SZT2: variants seen among roughly 807,000 people sequenced by gnomAD.
SZT2 encodes the protein SZT2 subunit of KICSTOR complex, also known as KICSTOR complex protein SZT2.
In SZT2, 216 loss-of-function variants were observed where a neutral mutation model predicts 404.2. The observed-to-expected ratio is 0.53, with a 90% CI of 0.48 to 0.60. The LOEUF (loss-of-function observed/expected upper bound fraction) is 0.60. Ranked by LOEUF, SZT2 falls within the 20% of genes least tolerant of loss-of-function variation. The pLI, the probability that SZT2 is intolerant of heterozygous loss-of-function variation, is 0.00. For synonymous variants in SZT2, 1,693 were observed against 1,749.9 expected, an observed-to-expected ratio of 0.97 and a Z score of 0.81; for missense variants, 3,857 against 4,459.2, an observed-to-expected ratio of 0.86 and a Z score of 3.85.
rs57832681 is a variant in SZT2 at position 43,429,947 on chromosome 1, G to A, written c.4309-64G>A. 9.6e-3 allele frequency: 15,486 copies of A among 1,612,218 alleles called. 1,269 individuals are homozygous for A. The African/African-American group carries it at 0.18, about 19-fold the overall frequency. On this transcript the variant is annotated intron_variant, in intron 29 of 71. Coordinates refer to ENST00000634258, the MANE Select transcript of SZT2 (RefSeq NM_001365999.1). ...GGGTATGCATGTGTCCTGCTCTAGG[G>A]TAGGGAGTAGTATCCTGTTGAGGGG...
In SZT2 at chr1:43,447,709, GA is replaced by G. The variant is rs550942414; in HGVS notation, c.9440+12del. The G allele has an allele frequency of 2.2e-4, 357 of 1,613,406 alleles. 1 individual carries two copies. The African/African-American group carries it at 4.1e-3, about 18-fold the overall frequency. Reference sequence around the variant, plus strand: ...GTCGGCATGGCACAGGTAAGGCTGAGAGGGGCATCCAGCATGCACGCTGCAG... The same window carrying G: ...GTCGGCATGGCACAGGTAAGGCTGAGGGGGCATCCAGCATGCACGCTGCAG... On this transcript the variant is annotated intron_variant, in intron 67 of 71. Coordinates refer to ENST00000634258, the MANE Select transcript of SZT2 (RefSeq NM_001365999.1).
At chr1:43,434,003 T>C (rs1654201902) in intron 40 of SZT2, among the ~76,000 whole-genome samples, 1 of 152,170 alleles carries the variant, frequency 6.6e-6, no homozygotes, top group South Asian at 2.1e-4. Context: ...AGTTCACTAC[T>C]GCTCTCATCT....
In SZT2 at chr1:43,451,575, C is replaced by T. The variant is rs763781914; in HGVS notation, c.*1095C>T. On this transcript the variant is annotated 3_prime_UTR_variant, in exon 72 of 72. Coordinates refer to ENST00000634258, the MANE Select transcript of SZT2 (RefSeq NM_001365999.1). Reference sequence around the variant, plus strand: ...GACAGATGTGGACAAATGTGGGGTCCAGGCTCCTGCCAGGGCCTGAAGGAC... The same window carrying T: ...GACAGATGTGGACAAATGTGGGGTCTAGGCTCCTGCCAGGGCCTGAAGGAC... 6.2e-7 allele frequency: 1 copy of T among 1,613,476 alleles called. No individual in the cohort carries two copies. The highest frequency in any genetic ancestry group is 8.5e-7 in the Non-Finnish European group (1 of 1,179,582).
Position 43,450,764 on chromosome 1 carries a change from CT to C in SZT2, c.*285del, listed in dbSNP as rs746110347. 5.1e-5 allele frequency: 36 copies of C among 703,616 alleles called. No homozygotes were observed. The highest frequency in any genetic ancestry group is 8.6e-5 in the Non-Finnish European group (33 of 383,140). The allele number at this position is 703,616 out of a possible 1,614,324, so 43.6% of individuals were successfully genotyped here. A position where few individuals can be genotyped will look rare whatever the true frequency, so the allele number is the denominator to read the frequency against. The stretch of plus-strand genomic sequence containing the variant: ...TTCTGGGGTACTCCTTTCGGCCCCC[CT>C]GGTAGAGTCTCGGGAGTTCACACAG... On this transcript the variant is annotated 3_prime_UTR_variant, in exon 72 of 72. Transcript: ENST00000634258. The surrounding 1 kb of genome is among the most constrained non-coding windows in gnomAD (Gnocchi z 4.3).
chr1:43,446,163 T>C lies in SZT2; in HGVS notation c.8917-16T>C. The C allele has an allele frequency of 6.2e-7, 1 of 1,614,026 alleles. No individual in the cohort carries two copies. The highest frequency in any genetic ancestry group is 8.5e-7 in the Non-Finnish European group (1 of 1,179,892). On this transcript the variant is annotated splice_polypyrimidine_tract_variant and intron_variant, in intron 63 of 71. Transcript: ENST00000634258. ...TGGTGAGCCCCCAAACCTTGCCCCC[T>C]TTTTTGTTTCTTCAGAGCACTAGCT...
At chr1:43,421,957 GT>G in intron 11 of SZT2, 125 bp from the exon 12 acceptor site, 1 of 1,067,578 alleles carries the variant, frequency 9.4e-7, no homozygotes, top group Non-Finnish European at 1.3e-6. Context: ...AGGCTGGGCT[GT>G]AGCCTCAAAC....
chr1:43,404,406 T>A lies in SZT2; in HGVS notation c.354T>A (p.Phe118Leu). ...ATGATTCCACAGGGGAGATCTTGTTTGATGAAGTTTTCCATGCCCTGTCCC... is the reference window on the plus strand; with the variant it reads ...ATGATTCCACAGGGGAGATCTTGTTAGATGAAGTTTTCCATGCCCTGTCCC... Reference protein sequence around the residue: ...IVDDSTGEILFDEVFHALSRC... With the variant: ...IVDDSTGEILLDEVFHALSRC... Residue 118 changes from phenylalanine (F) to leucine (L), a missense_variant, in exon 4 of 72, where the codon TTT (phenylalanine) becomes TTA (leucine). Physicochemically the swap from Phe to Leu is conservative, Grantham distance 22. Transcript: ENST00000634258. 1 of 1,613,884 alleles carries A rather than the reference T, an allele frequency of 6.2e-7. No individual in the cohort carries two copies. Among genetic ancestry groups the A allele is most frequent in the East Asian group, 2.2e-5 (1 of 44,870 alleles).
intron 5 of SZT2, 111 bp downstream of exon 5, chr1:43,415,324 G>C (rs1050934794): frequency 6.6e-6 from 9 of 1,360,894 alleles, no homozygotes; most frequent in Non-Finnish European, 8.9e-6. Context: ...AAGAGCTGGG[G>C]CAAAATGAGA....
chr1:43,422,881 A>G lies in SZT2; in HGVS notation c.2035A>G (p.Lys679Glu). Reference protein sequence around the residue: ...PIGTPAPARHKIVSGLREEIL... With the variant: ...PIGTPAPARHEIVSGLREEIL... ...TGGCACACCAGCACCGGCCCGGCACAAGGTAAGCTGGGCCCTGACTGACTC... is the reference window on the plus strand; with the variant it reads ...TGGCACACCAGCACCGGCCCGGCACGAGGTAAGCTGGGCCCTGACTGACTC... Residue 679 changes from lysine (K) to glutamate (E), a missense_variant and splice_region_variant, in exon 14 of 72, where the codon AAG becomes GAG. This residue lies in a region of SZT2 where 1,725 missense variants were observed against 1,881.0 expected (regional missense o/e 0.92). Coordinates refer to ENST00000634258, the MANE Select transcript of SZT2 (RefSeq NM_001365999.1). 3 of 1,580,314 alleles carry G rather than the reference A, an allele frequency of 1.9e-6. No homozygotes were observed. Among genetic ancestry groups the G allele is most frequent in the Non-Finnish European group, 2.6e-6 (3 of 1,170,824 alleles).
chr1:43,423,073 AG>A, intron 14 of SZT2, 25 bp from the exon 15 acceptor site: 5 of 1,562,090 alleles, frequency 3.2e-6, no homozygotes, highest in Non-Finnish European at 4.3e-6. Context: ...TGGGAGTAAG[AG>A]GATGTGACCA....
In SZT2 at chr1:43,439,018, G is replaced by A; in HGVS notation, c.6717G>A (p.Trp2239Ter). The A allele has an allele frequency of 3.7e-6, 6 of 1,614,172 alleles. No homozygotes were observed. The highest frequency in any genetic ancestry group is 4.2e-6 in the Non-Finnish European group (5 of 1,180,026). Residue 2239 changes from tryptophan (W) to a stop codon, truncating the protein, a stop_gained, in exon 48 of 72, where the codon TGG (tryptophan) becomes TGA (stop). Coordinates refer to ENST00000634258, the MANE Select transcript of SZT2 (RefSeq NM_001365999.1). LOFTEE classifies it high-confidence loss of function. The surrounding 1 kb of genome is among the most constrained non-coding windows in gnomAD (Gnocchi z 4.2). ...GGCCCTGGCTTCCAGCCCTGGCATGGTACCTACGGCAGAACTTGCTCATCT... is the reference window on the plus strand; with the variant it reads ...GGCCCTGGCTTCCAGCCCTGGCATGATACCTACGGCAGAACTTGCTCATCT... ...SCRPWLPALA[W>*]YLRQNLLIFL...
At position 43,404,297 on chromosome 1, in the gene SZT2, A is replaced by G. The variant is rs557925807; in HGVS notation, c.328-83A>G. The G allele has an allele frequency of 3.2e-4, 388 of 1,194,546 alleles. 2 individuals carry two copies. The African/African-American group carries it at 5.3e-3, about 16-fold the overall frequency. The allele number at this position is 1,194,546 out of a possible 1,614,324, so 74.0% of individuals were successfully genotyped here. ...CGATCATCCATAAGTTAAGTGTCCT[A>G]CTGACCCATGGAAGCTGCATGTTTC... On this transcript the variant is annotated intron_variant, in intron 3 of 71. Coordinates refer to ENST00000634258, the MANE Select transcript of SZT2 (RefSeq NM_001365999.1).
At chr1:43,436,953 G>A in intron 42 of SZT2, 1 of 592,758 alleles carries the variant, frequency 1.7e-6, no homozygotes, top group Non-Finnish European at 2.9e-6. Context: ...AAGTCTCCTT[G>A]AGATAGTTCT....
rs1219290485 is a variant in SZT2, at chr1:43,420,839, C to T, written c.1352C>T (p.Pro451Leu). 1.4e-5 allele frequency: 23 copies of T among 1,598,478 alleles called. No homozygotes were observed. The highest frequency in any genetic ancestry group is 1.9e-5 in the Non-Finnish European group (22 of 1,179,812). ...YVAMAPWPLEPEGPRVTRVEV... is the reference protein window; with the variant it reads ...YVAMAPWPLELEGPRVTRVEV... ...GCTATGGCACCCTGGCCCCTGGAGC[C>T]TGAGGGCCCTCGAGTAACACGGGTG... The change falls in exon 10 of 72, where the codon CCT becomes CTT. Residue 451 changes from proline to leucine, a missense_variant. Coordinates refer to ENST00000634258, the MANE Select transcript of SZT2 (RefSeq NM_001365999.1). This position sits in a 1 kb window ranked among gnomAD's most constrained non-coding sequence, Gnocchi z 5.1.
chr1:43,433,043 G>C lies in SZT2; in HGVS notation c.5657G>C (p.Gly1886Ala), dbSNP rs1261525954. 1.2e-6 allele frequency: 2 copies of C among 1,614,128 alleles called. No individual in the cohort carries two copies. Among genetic ancestry groups the C allele is most frequent in the South Asian group, 2.2e-5 (2 of 91,082 alleles). ...SDSEGPNDTLGEKAPFTLRTP... is the reference protein window; with the variant it reads ...SDSEGPNDTLAEKAPFTLRTP... ...AGTGAGGGTCCCAATGACACCCTTG[G>C]TGAGAAGGCCCCCTTCACATTGCGG... is the stretch of plus-strand genomic sequence containing the variant. The change falls in exon 40 of 72, where the codon GGT becomes GCT. Residue 1886 changes from glycine to alanine, a missense_variant. Gly to Ala is a moderately conservative substitution (Grantham distance 60). Around this residue, in one of 7 missense-constraint regions of SZT2, gnomAD observed 1,725 missense variants for 1,881.0 expected, o/e 0.92. Transcript: ENST00000634258.
chr1:43,453,576 C>T lies in SZT2; in HGVS notation c.*3096C>T, dbSNP rs867110144. ...CCGGCACCCCCCAGCCCTCCCAGCC[C>T]TCCCGGCCCGCGACGCACCCGGGGG... is the stretch of plus-strand genomic sequence containing the variant. On this transcript the variant is annotated 3_prime_UTR_variant, in exon 72 of 72. Coordinates refer to ENST00000634258, the MANE Select transcript of SZT2 (RefSeq NM_001365999.1). 9.2e-6 allele frequency: 14 copies of T among 1,519,936 alleles called. No individual in the cohort carries two copies. The Middle Eastern group carries it at 5.5e-4, about 59-fold the overall frequency. The allele number at this position is 1,519,936 out of a possible 1,614,324, so 94.2% of individuals were successfully genotyped here. A position where few individuals can be genotyped will look rare whatever the true frequency, so the allele number is the denominator to read the frequency against.
rs533309997 is a variant in SZT2, at chr1:43,397,033, A to G, written c.28-6144A>G. Among the ~76,000 whole-genome samples, 3 of 152,230 alleles carry G rather than the reference A, an allele frequency of 2.0e-5. No homozygotes were observed. The South Asian group carries it at 6.2e-4, about 31-fold the overall frequency. ...AAGAATAGCTGGAAACAGAATAAAT[A>G]CAGCTTGTGAGATTAGTTTTCCTTG... On this transcript the variant is annotated intron_variant, in intron 1 of 71. Transcript: ENST00000634258.
chr1:43,452,529 A>G lies in SZT2; in HGVS notation c.*2049A>G, dbSNP rs1570764583. 3 of 660,220 alleles carry G rather than the reference A, an allele frequency of 4.5e-6. No individual in the cohort carries two copies. The highest frequency in any genetic ancestry group is 8.4e-6 in the Non-Finnish European group (3 of 358,556). The allele number at this position is 660,220 out of a possible 1,614,324, so 40.9% of individuals were successfully genotyped here. A position where few individuals can be genotyped will look rare whatever the true frequency, so the allele number is the denominator to read the frequency against. ...TTCCCAGACATCTCAGTGTCCACCC[A>G]CCGCCTCCTGCCTCCAGTACTTTCC... is the stretch of plus-strand genomic sequence containing the variant. On this transcript the variant is annotated 3_prime_UTR_variant, in exon 72 of 72. Transcript: ENST00000634258.
In SZT2 at chr1:43,453,463, G is replaced by A; in HGVS notation, c.*2983G>A. ...GGAAGGCCGCCTGTCTCCCGGGGACGGCCCCCAGCCCCATTTCCCCCTTCT... is the reference window on the plus strand; with the variant it reads ...GGAAGGCCGCCTGTCTCCCGGGGACAGCCCCCAGCCCCATTTCCCCCTTCT... On this transcript the variant is annotated 3_prime_UTR_variant, in exon 72 of 72. Coordinates refer to ENST00000634258, the MANE Select transcript of SZT2 (RefSeq NM_001365999.1). 11 of 1,562,404 alleles carry A rather than the reference G, an allele frequency of 7.0e-6. No homozygotes were observed. The highest frequency in any genetic ancestry group is 9.5e-6 in the Non-Finnish European group (11 of 1,152,396).
Sources: gnomAD v4.1 joint callset for allele counts (sites outside exome capture counted in the v4.1 genomes callset) on GRCh38, gnomAD v4.1.1 for gene constraint, gnomAD v4.1.1 regional missense constraint, Gnocchi (gnomAD v3.1) non-coding constraint, MANE v1.5 for transcripts, NCBI Gene and HGNC (gene_info 2026-07-23, HGNC 2026-07-21) for gene names.